The following KCNB2 variants were observed in gnomAD, a reference collection of about 807,000 sequenced individuals.
KCNB2 encodes the protein delayed rectifier potassium channel protein.
In KCNB2, 15 loss-of-function variants were observed where a neutral mutation model predicts 61.5. The observed-to-expected ratio is 0.24, with a 90% CI of 0.16 to 0.38. The LOEUF is 0.38. KCNB2 is among the 10% of genes least tolerant of loss of function. The probability of loss-of-function intolerance (pLI) is 1.00; values close to 1 mark genes in which losing one functional copy is unlikely to be tolerated. For synonymous variants in KCNB2, 457 were observed against 446.0 expected (o/e 1.02, Z -0.31); for missense variants, 828 against 1,125.2 (o/e 0.74, Z 3.78).
chr8:72,620,796 C>T (rs969252751), intron 2 of KCNB2, among the ~76,000 whole-genome samples: 2 of 151,874 alleles, frequency 1.3e-5, no homozygotes, highest in South Asian at 2.1e-4. Flanking sequence ...TTAGTAGAGA[C>T]GGGGTTTCAC....
At chr8:72,734,927 T>C (rs1041574817) in intron 2 of KCNB2, among the ~76,000 whole-genome samples, 5 of 152,340 alleles carry the variant, frequency 3.3e-5, no homozygotes, top group South Asian at 4.1e-4. Context: ...CAGCTTGTAC[T>C]GTAAGAAGTG....
intron 2 of KCNB2, among the ~76,000 whole-genome samples, chr8:72,716,970 G>A (rs1392912174): frequency 1.3e-5 from 2 of 151,872 alleles, no homozygotes; most frequent in Non-Finnish European, 2.9e-5. Context: ...CAAAGTCTCA[G>A]GATACAAAAT....
intron 1 of KCNB2, 40 bp from the exon 2 acceptor site, chr8:72,567,602 G>C: frequency 1.1e-5 from 7 of 650,158 alleles, no homozygotes. Context: ...AAACACTCTA[G>C]GAAAATGCAA....
chr8:72,667,841 G>A (rs1806503829), intron 2 of KCNB2, among the ~76,000 whole-genome samples: 1 of 152,122 alleles, frequency 6.6e-6, no homozygotes, highest in African/African-American at 2.4e-5. Flanking sequence ...GAGTCTTGTT[G>A]CACTTAAAAC....
At chr8:72,746,757 A>T (rs1808078192) in intron 2 of KCNB2, among the ~76,000 whole-genome samples, 1 of 152,128 alleles carries the variant, frequency 6.6e-6, no homozygotes, top group Non-Finnish European at 1.5e-5. Flanking sequence ...TCTGTGGGAG[A>T]TGATGGCCAC....
intron 2 of KCNB2, among the ~76,000 whole-genome samples, chr8:72,735,405 A>G (rs978152889): frequency 1.3e-5 from 2 of 152,156 alleles, no homozygotes; most frequent in East Asian, 3.8e-4. Flanking sequence ...ATAATTTCCT[A>G]TTTCCCCGCA....
At chr8:72,555,743 TTTTTA>T (rs149402399) in intron 1 of KCNB2, among the ~76,000 whole-genome samples, 17,770 of 151,606 alleles carry the variant, frequency 0.12, 1,396 homozygotes, top group East Asian at 0.46. Flanking sequence ...TTGGATTTTC[TTTTTA>T]TTTTATTTTA....
At chr8:72,571,455 T>C (rs905992250) in intron 2 of KCNB2, among the ~76,000 whole-genome samples, 2 of 152,190 alleles carry the variant, frequency 1.3e-5, no homozygotes, top group African/African-American at 4.8e-5. Flanking sequence ...CAAATTAACA[T>C]TTTTGCACAT....
chr8:72,795,772 C>A (rs1809022260), intron 2 of KCNB2, among the ~76,000 whole-genome samples: 1 of 152,078 alleles, frequency 6.6e-6, no homozygotes, highest in South Asian at 2.1e-4. Context: ...CAAACAAAGC[C>A]AAAAACATTT....
chr8:72,897,498 G>T (rs1042791143), intron 2 of KCNB2, among the ~76,000 whole-genome samples: 3 of 152,106 alleles, frequency 2.0e-5, no homozygotes, highest in African/African-American at 7.2e-5. Context: ...TGTTTTGCAT[G>T]TGTAATCTGT....
intron 2 of KCNB2, among the ~76,000 whole-genome samples, chr8:72,922,755 T>C (rs1806548947): frequency 1.3e-5 from 2 of 152,158 alleles, no homozygotes; most frequent in South Asian, 4.1e-4. Flanking sequence ...ACCATTACAC[T>C]ATTCAACCCA....
chr8:72,687,066 TAA>T (rs1806865121), intron 2 of KCNB2, among the ~76,000 whole-genome samples: 1 of 152,166 alleles, frequency 6.6e-6, no homozygotes, highest in Non-Finnish European at 1.5e-5. Flanking sequence ...CTGAGAATAA[TAA>T]AAAGCATCCT....
chr8:72,602,101 T>G (rs184620106), intron 2 of KCNB2, among the ~76,000 whole-genome samples: 196 of 152,332 alleles, frequency 1.3e-3, no homozygotes, highest in African/African-American at 4.4e-3. Context: ...AGCTTTGTTA[T>G]CATTCCTGAA....
chr8:72,907,776 AG>A (rs1806204464), intron 2 of KCNB2, among the ~76,000 whole-genome samples: 1 of 152,204 alleles, frequency 6.6e-6, no homozygotes, highest in East Asian at 1.9e-4. Context: ...AGGTAGCTGA[AG>A]GTGGCCTCCC....
At chr8:72,780,465 C>T (rs1808735043) in intron 2 of KCNB2, among the ~76,000 whole-genome samples, 2 of 152,110 alleles carry the variant, frequency 1.3e-5, no homozygotes, top group Non-Finnish European at 2.9e-5. Flanking sequence ...AAACTTGGAA[C>T]CAGATTTTAA....
At chr8:72,586,987 TTTA>T (rs1463826705) in intron 2 of KCNB2, among the ~76,000 whole-genome samples, 1 of 152,240 alleles carries the variant, frequency 6.6e-6, no homozygotes, top group Non-Finnish European at 1.5e-5. Flanking sequence ...CTTTTAATTT[TTTA>T]TTAAAATACG....
At chr8:72,825,771 G>T (rs1197453342) in intron 2 of KCNB2, among the ~76,000 whole-genome samples, 1 of 152,004 alleles carries the variant, frequency 6.6e-6, no homozygotes, top group African/African-American at 2.4e-5. Flanking sequence ...TCGAGTTATA[G>T]AGTTCTTCAT....
At chr8:72,558,861 A>G (rs1470108705) in intron 1 of KCNB2, among the ~76,000 whole-genome samples, 2 of 152,178 alleles carry the variant, frequency 1.3e-5, no homozygotes, top group African/African-American at 4.8e-5. Flanking sequence ...GGATTATTGG[A>G]TCGTCAGGGA....
At chr8:72,680,186 C>T (rs890322543) in intron 2 of KCNB2, among the ~76,000 whole-genome samples, 12 of 152,132 alleles carry the variant, frequency 7.9e-5, no homozygotes, top group African/African-American at 2.9e-4. Flanking sequence ...GCCTGTGCTA[C>T]AGGGAATGAA....
Sources: allele counts gnomAD v4.1 joint callset (sites outside exome capture counted in the v4.1 genomes callset), GRCh38; gene constraint gnomAD v4.1.1; transcripts MANE v1.5; gene names NCBI Gene and HGNC (gene_info 2026-07-23, HGNC 2026-07-21).